Variants in MED27 observed in about 807,000 individuals in gnomAD.
The protein encoded by MED27 is mediator complex subunit 27.
A neutral mutation model predicts 38.2 loss-of-function variants in MED27; 30 were observed. The observed-to-expected ratio is 0.79, with a 90% CI of 0.59 to 1.07. The LOEUF (loss-of-function observed/expected upper bound fraction) is 1.07, where lower values mean the gene tolerates loss of function less well. MED27 is among the 50% of genes least tolerant of loss of function. The pLI, the probability that MED27 is intolerant of heterozygous loss-of-function variation, is 0.00. For missense variants in MED27, 289 were observed against 397.5 expected (o/e 0.73, Z 2.32); for synonymous variants, 122 against 153.5 (o/e 0.79, Z 1.52).
chr9:131,936,140 A>G lies in MED27; in HGVS notation c.573+3241T>C, dbSNP rs537009932. On this transcript the variant is annotated intron_variant, in intron 4 of 7. Coordinates refer to ENST00000292035, the MANE Select transcript of MED27 (RefSeq NM_004269.4). ...AAAGTGAGACCCTGTCTCAAAAAAA[A>G]AAAAAAAAAAGAAAGAAAGAAAGAA... 2.7e-5 allele frequency among the ~76,000 whole-genome samples: 4 copies of G among 150,514 alleles called. No homozygotes were observed. The South Asian group carries it at 8.4e-4, about 32-fold the overall frequency.
chr9:132,018,751 A>G (rs1020863924), intron 2 of MED27, among the ~76,000 whole-genome samples: 2 of 152,130 alleles, frequency 1.3e-5, no homozygotes, highest in African/African-American at 4.8e-5. Context: ...CTTTAAGAGA[A>G]CCTGACATTT....
intron 2 of MED27, among the ~76,000 whole-genome samples, chr9:132,053,653 T>C (rs1319078125): frequency 6.6e-6 from 1 of 152,170 alleles, no homozygotes; most frequent in Non-Finnish European, 1.5e-5. Flanking sequence ...AAGCAGGCTG[T>C]GGAACCAGGC....
At chr9:132,004,534 C>T (rs1255565068) in intron 3 of MED27, among the ~76,000 whole-genome samples, 2 of 152,216 alleles carry the variant, frequency 1.3e-5, no homozygotes, top group Non-Finnish European at 1.5e-5. Flanking sequence ...CCTGCTCTCC[C>T]TGTAGCAGCG....
chr9:131,913,447 T>C lies in MED27; in HGVS notation c.574-19455A>G, dbSNP rs755891802. Among the ~76,000 whole-genome samples, 1 of 152,146 alleles carries C rather than the reference T, an allele frequency of 6.6e-6. No individual in the cohort carries two copies. The highest frequency in any genetic ancestry group is 1.5e-5 in the Non-Finnish European group (1 of 68,020). On this transcript the variant is annotated intron_variant, in intron 4 of 7. Transcript: ENST00000292035. This position sits in a 1 kb window ranked among gnomAD's most constrained non-coding sequence, Gnocchi z 4.5. ...AGTGTGAACATCAAATAAATAATCA[T>C]AAGCATATAGTAAGGGGTCAAATAG...
At chr9:131,865,397 G>A (rs1029163804) in intron 6 of MED27, among the ~76,000 whole-genome samples, 6 of 152,128 alleles carry the variant, frequency 3.9e-5, no homozygotes, top group South Asian at 4.1e-4. Flanking sequence ...AACGGTCCCC[G>A]AACTTGAACG....
intron 1 of MED27, among the ~76,000 whole-genome samples, chr9:132,078,113 C>A (rs1321792291): frequency 6.6e-6 from 1 of 152,156 alleles, no homozygotes; most frequent in African/African-American, 2.4e-5. Context: ...TGGGAAGACA[C>A]CACTGAGGTG....
At chr9:131,881,800 C>CTTTTTTTTTTTTTTTTTTTTTTTTTT (rs61624043) in intron 6 of MED27, among the ~76,000 whole-genome samples, 2 of 60,964 alleles carry the variant, frequency 3.3e-5, no homozygotes, top group Non-Finnish European at 6.0e-5. Context: ...TCTTCTTCTT[C>CTTTTTTTTTTTTTTTTTTTTTTTTTT]TTTTTTTTTT....
chr9:132,078,005 T>C (rs1205939095), intron 1 of MED27, among the ~76,000 whole-genome samples: 4 of 152,256 alleles, frequency 2.6e-5, no homozygotes, highest in African/African-American at 9.6e-5. Context: ...GATTAAATGA[T>C]GATTATTTAT....
At chr9:131,998,916 A>G (rs796373540) in intron 3 of MED27, among the ~76,000 whole-genome samples, 13 of 152,322 alleles carry the variant, frequency 8.5e-5, no homozygotes, top group African/African-American at 3.1e-4. Flanking sequence ...TCCACCAAAA[A>G]AAAAAAAATC....
At chr9:131,927,443 T>C (rs2131560414) in intron 4 of MED27, among the ~76,000 whole-genome samples, 1 of 152,342 alleles carries the variant, frequency 6.6e-6, no homozygotes, top group Non-Finnish European at 1.5e-5. Flanking sequence ...TTTCTGCCAA[T>C]ATGGACAAAC....
chr9:131,904,214 T>C (rs1830007909), intron 4 of MED27, among the ~76,000 whole-genome samples: 1 of 152,068 alleles, frequency 6.6e-6, no homozygotes, highest in Non-Finnish European at 1.5e-5. Context: ...ATTTTTTGTA[T>C]TTTTTGTAGA....
intron 2 of MED27, among the ~76,000 whole-genome samples, chr9:132,041,333 A>T (rs540277930): frequency 3.5e-4 from 54 of 152,334 alleles, no homozygotes; most frequent in African/African-American, 1.3e-3. Flanking sequence ...AAGAGTCTGC[A>T]TATTTTCATG....
At chr9:131,956,484 C>T (rs558320432) in intron 3 of MED27, among the ~76,000 whole-genome samples, 9 of 152,120 alleles carry the variant, frequency 5.9e-5, no homozygotes, top group African/African-American at 2.2e-4. Context: ...AGCATGATGG[C>T]AGGCGCCTGT....
At chr9:132,029,548 G>A (rs1414188252) in intron 2 of MED27, among the ~76,000 whole-genome samples, 1 of 152,128 alleles carries the variant, frequency 6.6e-6, no homozygotes, top group Non-Finnish European at 1.5e-5. Context: ...TGGCCAGGGA[G>A]GCTAAAACGA....
At position 131,948,360 on chromosome 9, in the gene MED27, G is replaced by A. The variant is rs11243573; in HGVS notation, c.480-8886C>T. On this transcript the variant is annotated intron_variant, in intron 3 of 7. Coordinates refer to ENST00000292035, the MANE Select transcript of MED27 (RefSeq NM_004269.4). ...AAACTAGCAGGGCATGGTGGCATGC[G>A]CCTGTAATCTCAGCTACTCAGGAGG... 3.2e-3 allele frequency among the ~76,000 whole-genome samples: 482 copies of A among 151,896 alleles called. 3 individuals are homozygous for A. The highest frequency in any genetic ancestry group is 0.011 in the African/African-American group (459 of 41,444).
At chr9:131,867,350 C>A (rs1357904855) in intron 6 of MED27, among the ~76,000 whole-genome samples, 1 of 152,168 alleles carries the variant, frequency 6.6e-6, no homozygotes, top group Admixed American at 6.5e-5. Context: ...TACCAGCGGT[C>A]ACTCATCCTT....
intron 3 of MED27, among the ~76,000 whole-genome samples, chr9:131,954,170 G>A (rs763166945): frequency 6.6e-6 from 1 of 152,182 alleles, no homozygotes; most frequent in Non-Finnish European, 1.5e-5. Context: ...AAATGGACAA[G>A]CACCCTAGGA....
chr9:132,002,369 G>A (rs1000251363), intron 3 of MED27, among the ~76,000 whole-genome samples: 1 of 152,184 alleles, frequency 6.6e-6, no homozygotes, highest in Non-Finnish European at 1.5e-5. Context: ...CTCTCAGAGT[G>A]ACTGGTACAA....
intron 4 of MED27, among the ~76,000 whole-genome samples, chr9:131,908,924 G>A (rs1366923457): frequency 6.6e-6 from 1 of 151,650 alleles, no homozygotes; most frequent in Non-Finnish European, 1.5e-5. Flanking sequence ...AACGTCCTGG[G>A]AATGCAGCCC....
Sources: gnomAD v4.1 joint callset for allele counts (sites outside exome capture counted in the v4.1 genomes callset) on GRCh38, gnomAD v4.1.1 for gene constraint, Gnocchi (gnomAD v3.1) non-coding constraint, MANE v1.5 for transcripts, NCBI Gene and HGNC (gene_info 2026-07-23, HGNC 2026-07-21) for gene names.